CFAP44: variants seen among roughly 807,000 people sequenced by gnomAD.
CFAP44 encodes cilia and flagella associated protein 44.
CFAP44 carries 134 observed loss-of-function variants against 216.2 expected under a neutral mutation model. That is an observed-to-expected ratio of 0.62 (90% CI 0.54 to 0.72). CFAP44 has a LOEUF of 0.72. CFAP44 is among the 30% of genes least tolerant of loss of function. The pLI, the probability that CFAP44 is intolerant of heterozygous loss-of-function variation, is 0.00. For synonymous variants in CFAP44, 700 were observed against 727.6 expected, an observed-to-expected ratio of 0.96 and a Z score of 0.61; for missense variants, 2,035 against 2,182.1, an observed-to-expected ratio of 0.93 and a Z score of 1.34.
chr3:113,317,031 G>A (rs145060128), intron 28 of CFAP44, among the ~76,000 whole-genome samples: 16 of 152,262 alleles, frequency 1.1e-4, no homozygotes, highest in African/African-American at 1.7e-4. Flanking sequence ...AGGCAACAGC[G>A]AAGGTGAGGC....
rs150759371 is a variant in CFAP44, at chr3:113,419,568, A to G, written c.570+449T>C. Reference sequence around the variant, plus strand: ...CATGATAGTATCTTTCACTCCATATATCTCAACATATCCTGTTTCCATAGT... The same window carrying G: ...CATGATAGTATCTTTCACTCCATATGTCTCAACATATCCTGTTTCCATAGT... On this transcript the variant is annotated intron_variant, in intron 5 of 34. Transcript: ENST00000393845. Among the ~76,000 whole-genome samples the G allele has an allele frequency of 1.9e-4, 29 of 152,316 alleles. No individual in the cohort carries two copies. The East Asian group carries it at 5.4e-3, about 28-fold the overall frequency.
In CFAP44 at chr3:113,363,150, G is replaced by T; in HGVS notation, c.2929C>A (p.Arg977=). Residue 977 remains arginine (R), a synonymous_variant, in exon 21 of 35, where the codon CGA becomes AGA. Transcript: ENST00000393845. ...CAAGTTTATATTAGGCTTACTGTTC[G>T]TTTAAACTGCATATGCTTTGGTAAT... ...EKLPKHMQFK[R]TDFDVDSQIR... 1 of 1,595,252 alleles carries T rather than the reference G, an allele frequency of 6.3e-7. No individual in the cohort carries two copies. Among genetic ancestry groups the T allele is most frequent in the Non-Finnish European group, 8.5e-7 (1 of 1,173,478 alleles).
Position 113,358,940 on chromosome 3 carries a change from T to C in CFAP44, c.2935-65A>G, listed in dbSNP as rs1285085652. On this transcript the variant is annotated intron_variant, in intron 21 of 34. Coordinates refer to ENST00000393845, the MANE Select transcript of CFAP44 (RefSeq NM_001164496.2). ...ATCAACTCTGTTTCATATATTTCAG[T>C]TTTGTCCCCAGTTTCATGCTGCATC... The C allele has an allele frequency of 2.0e-6, 3 of 1,479,790 alleles. No homozygotes were observed. The South Asian group carries it at 4.1e-5, about 20-fold the overall frequency. The allele number at this position is 1,479,790 out of a possible 1,614,324, so 91.7% of individuals were successfully genotyped here.
chr3:113,294,512 G>T, intron 34 of CFAP44, 175 bp downstream of exon 34: 1 of 734,376 alleles, frequency 1.4e-6, no homozygotes, highest in East Asian at 3.0e-5. Context: ...AGTCCCTCAG[G>T]CCCACTGTAA....
intron 15 of CFAP44, among the ~76,000 whole-genome samples, chr3:113,381,397 A>G (rs1325592514): frequency 6.6e-6 from 1 of 152,212 alleles, no homozygotes; most frequent in Non-Finnish European, 1.5e-5. Context: ...CTGTTAGCCG[A>G]AAGGACCAGA....
At chr3:113,380,108 ACATGTGTCATG>A (rs1933466309) in intron 16 of CFAP44, among the ~76,000 whole-genome samples, 1 of 152,134 alleles carries the variant, frequency 6.6e-6, no homozygotes, top group Non-Finnish European at 1.5e-5. Context: ...ACATATGTAT[ACATGTGTCATG>A]CTGGTGCACT....
At chr3:113,335,317 A>C (rs1006801199) in intron 24 of CFAP44, among the ~76,000 whole-genome samples, 1 of 152,220 alleles carries the variant, frequency 6.6e-6, no homozygotes, top group Admixed American at 6.5e-5. Flanking sequence ...CAGCCTGTGG[A>C]GTAGGATCAG....
chr3:113,294,213 T>C (rs976517541), intron 34 of CFAP44: 4 of 332,090 alleles, frequency 1.2e-5, no homozygotes, highest in Non-Finnish European at 2.4e-5. Context: ...ATACAATGTA[T>C]TAAGTACAAT....
chr3:113,402,271 A>C (rs1012534537), intron 9 of CFAP44, among the ~76,000 whole-genome samples: 4 of 152,262 alleles, frequency 2.6e-5, no homozygotes, highest in African/African-American at 2.4e-5. Context: ...TTACTATCTC[A>C]TTGGGAAAAT....
At chr3:113,413,218 ATTT>A (rs961482033) in intron 6 of CFAP44, among the ~76,000 whole-genome samples, 1 of 149,458 alleles carries the variant, frequency 6.7e-6, no homozygotes, top group Admixed American at 6.7e-5. Flanking sequence ...TTTTGATGGA[ATTT>A]TTTTTTCTTG....
chr3:113,370,534 T>C (rs1356598903), intron 18 of CFAP44, among the ~76,000 whole-genome samples: 1 of 152,216 alleles, frequency 6.6e-6, no homozygotes, highest in Non-Finnish European at 1.5e-5. Flanking sequence ...TCAACAGCCC[T>C]TCATGCTAAA....
At chr3:113,363,423 G>T in intron 20 of CFAP44, 54 bp downstream of exon 20, 1 of 1,583,014 alleles carries the variant, frequency 6.3e-7, no homozygotes, top group South Asian at 1.2e-5. Context: ...CTGCACTGTT[G>T]ATTTGTTTTG....
chr3:113,291,589 G>C lies in CFAP44; in HGVS notation c.5533C>G (p.Arg1845Gly), dbSNP rs371164920. ...SLILPPIQSPREKEIQPADL is the reference protein window; with the variant it reads ...SLILPPIQSPGEKEIQPADL ...TCTGCGGGCTGTATCTCTTTCTCTC[G>C]TGGAGACTGAATGGGTGGGAGGATA... Residue 1845 changes from arginine (R) to glycine (G), a missense_variant, in exon 35 of 35, where the codon CGA becomes GGA. This residue lies in a region of CFAP44 where 1,883 missense variants were observed against 2,023.7 expected (regional missense o/e 0.93). Transcript: ENST00000393845. 2 of 1,537,194 alleles carry C rather than the reference G, an allele frequency of 1.3e-6. No individual in the cohort carries two copies. The highest frequency in any genetic ancestry group is 3.9e-5 in the Admixed American group (2 of 50,992).
chr3:113,423,448 T>C (rs1293151168), intron 4 of CFAP44, among the ~76,000 whole-genome samples: 18 of 152,098 alleles, frequency 1.2e-4, no homozygotes, highest in Non-Finnish European at 2.9e-5. Flanking sequence ...CCTGATCCTT[T>C]CCTTTTAATC....
At chr3:113,389,817 A>T (rs1307141252) in intron 15 of CFAP44, among the ~76,000 whole-genome samples, 1 of 152,128 alleles carries the variant, frequency 6.6e-6, no homozygotes, top group African/African-American at 2.4e-5. Context: ...AGAAATTCAA[A>T]ACGTGAACAG....
At chr3:113,433,491 A>T in intron 2 of CFAP44, 74 bp downstream of exon 2, 1 of 799,626 alleles carries the variant, frequency 1.3e-6, no homozygotes, top group South Asian at 1.8e-5. Context: ...TTTCCATTCT[A>T]CTATAAAAAT....
intron 28 of CFAP44, among the ~76,000 whole-genome samples, chr3:113,320,455 C>T (rs1576546327): frequency 4.3e-5 from 4 of 92,200 alleles, no homozygotes; most frequent in East Asian, 3.4e-4. Flanking sequence ...ATATATATTA[C>T]ATCTATATAT....
chr3:113,286,965 C>A lies in CFAP44; in HGVS notation c.*4592G>T. 1.8e-6 allele frequency: 2 copies of A among 1,139,968 alleles called. No homozygotes were observed. Among genetic ancestry groups the A allele is most frequent in the Non-Finnish European group, 2.5e-6 (2 of 806,330 alleles). 70.6% of individuals were successfully genotyped at this position (1,139,968 alleles called of 1,614,324 possible). On this transcript the variant is annotated 3_prime_UTR_variant, in exon 35 of 35. Coordinates refer to ENST00000393845, the MANE Select transcript of CFAP44 (RefSeq NM_001164496.2). ...ATTGGTATTTATTTTTCTATTATAG[C>A]CATATTTATATATTTATGCACTTGT... is the stretch of plus-strand genomic sequence containing the variant.
At chr3:113,395,946 G>T (rs999361082) in intron 14 of CFAP44, 86 bp from the exon 15 acceptor site, 7 of 897,934 alleles carry the variant, frequency 7.8e-6, no homozygotes, top group African/African-American at 1.7e-5. Flanking sequence ...ATAACATAAC[G>T]CTATCTCTAT....
Sources: allele counts gnomAD v4.1 joint callset (sites outside exome capture counted in the v4.1 genomes callset), GRCh38; gene constraint gnomAD v4.1.1; regional missense constraint gnomAD v4.1.1; transcripts MANE v1.5; gene names NCBI Gene and HGNC (gene_info 2026-07-23, HGNC 2026-07-21).